The following NCOR1 variants were observed in gnomAD, a reference collection of about 807,000 sequenced individuals.
NCOR1 encodes the protein nuclear receptor corepressor 1, also known as protein phosphatase 1, regulatory subunit 109.
NCOR1 carries 63 observed loss-of-function variants against 288.1 expected under a neutral mutation model. The observed-to-expected ratio is 0.22, with a 90% CI of 0.18 to 0.27. NCOR1 has a LOEUF of 0.27. NCOR1 is among the 10% of genes least tolerant of loss of function. The probability of loss-of-function intolerance (pLI) is 1.00; values close to 1 mark genes in which losing one functional copy is unlikely to be tolerated. For missense variants in NCOR1, 2,397 were observed against 3,019.2 expected (o/e 0.79, Z 4.83); for synonymous variants, 1,007 against 1,065.9 (o/e 0.94, Z 1.08).
intron 1 of NCOR1, among the ~76,000 whole-genome samples, chr17:16,205,581 A>G (rs1165658269): frequency 6.6e-6 from 1 of 151,094 alleles, no homozygotes; most frequent in Non-Finnish European, 1.5e-5. Flanking sequence ...AGATTGTGCC[A>G]CTGCACTCCA....
chr17:16,135,817 T>C (rs966384580), intron 14 of NCOR1, among the ~76,000 whole-genome samples: 5 of 152,352 alleles, frequency 3.3e-5, no homozygotes, highest in Non-Finnish European at 7.3e-5. Flanking sequence ...CTGAGAGAAC[T>C]GGGTCAATAA....
chr17:16,051,651 C>G (rs1207137644), intron 40 of NCOR1, among the ~76,000 whole-genome samples: 1 of 152,172 alleles, frequency 6.6e-6, no homozygotes, highest in Non-Finnish European at 1.5e-5. Flanking sequence ...GTGGCTCACA[C>G]CTGTAATCCC....
At chr17:16,068,933 G>A (rs1396751221) in intron 31 of NCOR1, among the ~76,000 whole-genome samples, 1 of 151,818 alleles carries the variant, frequency 6.6e-6, no homozygotes, top group African/African-American at 2.4e-5. Flanking sequence ...GCCAGGATGG[G>A]CTCAATCTCC....
At chr17:16,119,225 T>C (rs2072452101) in intron 17 of NCOR1, among the ~76,000 whole-genome samples, 198 bp downstream of exon 17, 1 of 152,188 alleles carries the variant, frequency 6.6e-6, no homozygotes, top group South Asian at 2.1e-4. Flanking sequence ...AAACTGGGCA[T>C]CTTAAACAAG....
At position 16,206,736 on chromosome 17, in the gene NCOR1, G is replaced by T. The variant is rs569288701; in HGVS notation, c.-71+8626C>A. The stretch of plus-strand genomic sequence containing the variant: ...AATGGGATATTAAGTTGCTGTTAAT[G>T]ATTGATAGAGGTAACTGAAATAAAT... On this transcript the variant is annotated intron_variant, in intron 1 of 45. Coordinates refer to ENST00000268712, the MANE Select transcript of NCOR1 (RefSeq NM_006311.4). 3.6e-3 allele frequency among the ~76,000 whole-genome samples: 555 copies of T among 152,224 alleles called. 1 individual carries two copies. Among genetic ancestry groups the T allele is most frequent in the Non-Finnish European group, 6.0e-3 (410 of 68,012 alleles).
intron 31 of NCOR1, among the ~76,000 whole-genome samples, chr17:16,068,636 C>T (rs2061395167): frequency 6.6e-6 from 1 of 151,910 alleles, no homozygotes; most frequent in African/African-American, 2.4e-5. Flanking sequence ...CCTCTCTTCT[C>T]TTAAATGATG....
chr17:16,064,742 T>G, intron 34 of NCOR1, 128 bp downstream of exon 34: 1 of 872,992 alleles, frequency 1.1e-6, no homozygotes, highest in Non-Finnish European at 1.7e-6. Flanking sequence ...TAAGAACTAC[T>G]ATTAAATGTT....
chr17:16,156,011 G>A (rs1268602423), intron 6 of NCOR1, among the ~76,000 whole-genome samples: 1 of 152,132 alleles, frequency 6.6e-6, no homozygotes, highest in African/African-American at 2.4e-5. Flanking sequence ...GAAAAGATGA[G>A]GCCAGGCATG....
intron 4 of NCOR1, among the ~76,000 whole-genome samples, chr17:16,170,032 AG>A (rs1869546602): frequency 6.6e-6 from 1 of 152,012 alleles, no homozygotes; most frequent in Admixed American, 6.6e-5. Flanking sequence ...TAAAAGTTGA[AG>A]GAACAATATA....
At chr17:16,080,123 A>G (rs1380033796) in intron 25 of NCOR1, 59 bp from the exon 26 acceptor site, 1 of 1,404,712 alleles carries the variant, frequency 7.1e-7, no homozygotes, top group Non-Finnish European at 1.0e-6. Flanking sequence ...CAAAACATAA[A>G]AAAACAGCCC....
rs760883520 is a variant in NCOR1 at position 16,062,304 on chromosome 17, A to C, written c.5222-34T>G. On this transcript the variant is annotated intron_variant, in intron 35 of 45. Transcript: ENST00000268712. ...GTGAAAAAGAGAAAGAAACAAAGACATAAGGAGGAAGCCAGAGACAAAAGG... is the reference window on the plus strand; with the variant it reads ...GTGAAAAAGAGAAAGAAACAAAGACCTAAGGAGGAAGCCAGAGACAAAAGG... 3.2e-6 allele frequency: 5 copies of C among 1,552,368 alleles called. No individual in the cohort carries two copies. The Admixed American group carries it at 9.1e-5, about 28-fold the overall frequency.
chr17:16,140,800 C>T (rs759199654), intron 11 of NCOR1, among the ~76,000 whole-genome samples: 5 of 148,446 alleles, frequency 3.4e-5, no homozygotes, highest in African/African-American at 9.9e-5. Flanking sequence ...GCTGACAGAG[C>T]GAGACGCCAT....
chr17:16,144,475 G>T (rs1384956657), intron 10 of NCOR1, among the ~76,000 whole-genome samples: 1 of 152,244 alleles, frequency 6.6e-6, no homozygotes, highest in East Asian at 1.9e-4. Flanking sequence ...GTGGGTACAT[G>T]TGCAAGTTTG....
chr17:16,076,456 C>A (rs1438373869), intron 26 of NCOR1, among the ~76,000 whole-genome samples: 1 of 152,170 alleles, frequency 6.6e-6, no homozygotes, highest in African/African-American at 2.4e-5. Flanking sequence ...TTGACAACAA[C>A]CAATTGAGAG....
intron 43 of NCOR1, 71 bp downstream of exon 43, chr17:16,040,370 A>G: frequency 1.6e-6 from 2 of 1,239,748 alleles, no homozygotes; most frequent in Non-Finnish European, 2.4e-6. Context: ...GTTGGTACTC[A>G]GTACATATTT....
intron 3 of NCOR1, among the ~76,000 whole-genome samples, chr17:16,173,853 C>A (rs1446856522): frequency 6.6e-6 from 1 of 152,014 alleles, no homozygotes; most frequent in Non-Finnish European, 1.5e-5. Context: ...ATCGCTTGAA[C>A]CCAGGAGGCA....
rs745563943 is a variant in NCOR1 at position 16,117,901 on chromosome 17, T to C, written c.2042A>G (p.Gln681Arg). ...RRHNLDNLLQ[Q>R]HKQKTSRKPR... ...CAATATACTCACTTTCTGTTTATGCTGCTGTAAGAGGTTGTCAAGATTGTG... is the reference window on the plus strand; with the variant it reads ...CAATATACTCACTTTCTGTTTATGCCGCTGTAAGAGGTTGTCAAGATTGTG... Residue 681 changes from glutamine (Q) to arginine (R), a missense_variant, in exon 18 of 46, where the codon CAG becomes CGG. Transcript: ENST00000268712. 6.2e-7 allele frequency: 1 copy of C among 1,613,830 alleles called. No individual in the cohort carries two copies. Among genetic ancestry groups the C allele is most frequent in the Non-Finnish European group, 8.5e-7 (1 of 1,179,910 alleles).
At position 16,121,322 on chromosome 17, in the gene NCOR1, G is replaced by A. The variant is rs564692675; in HGVS notation, c.1635-53C>T. ...TGTGATTCCAAAGTATACATACATC[G>A]AAGAAGGTTTTAGTTTTGAATATTA... On this transcript the variant is annotated intron_variant, in intron 15 of 45. Coordinates refer to ENST00000268712, the MANE Select transcript of NCOR1 (RefSeq NM_006311.4). The A allele has an allele frequency of 2.9e-5, 42 of 1,435,866 alleles. No individual in the cohort carries two copies. The Middle Eastern group carries it at 7.2e-4, about 25-fold the overall frequency. The allele number at this position is 1,435,866 out of a possible 1,614,324, so 88.9% of individuals were successfully genotyped here.
chr17:16,140,451 C>T (rs573131369), intron 11 of NCOR1, among the ~76,000 whole-genome samples: 1 of 152,124 alleles, frequency 6.6e-6, no homozygotes, highest in Non-Finnish European at 1.5e-5. Context: ...ACTGCTTGAG[C>T]CCAGGAGTCC....
Sources: gnomAD v4.1 joint callset for allele counts (sites outside exome capture counted in the v4.1 genomes callset) on GRCh38, gnomAD v4.1.1 for gene constraint, MANE v1.5 for transcripts, NCBI Gene and HGNC (gene_info 2026-07-23, HGNC 2026-07-21) for gene names.